The following MPC1 variants were observed in gnomAD, a reference collection of about 807,000 sequenced individuals.
MPC1 encodes the protein mitochondrial pyruvate carrier 1.
A neutral mutation model predicts 13.9 loss-of-function variants in MPC1; 6 were observed. That is an observed-to-expected ratio of 0.43 (90% confidence interval 0.24 to 0.85). The LOEUF (loss-of-function observed/expected upper bound fraction) is 0.85, where lower values mean the gene tolerates loss of function less well. Among genes scored for constraint, MPC1 ranks in the 40% least tolerant of loss-of-function variants. The pLI is 0.24. For missense variants in MPC1, 115 were observed against 143.3 expected, an observed-to-expected ratio of 0.80 and a Z score of 1.01; for synonymous variants, 47 against 50.5, an observed-to-expected ratio of 0.93 and a Z score of 0.29.
chr6:166,380,230 G>A (rs937061449), intron 1 of MPC1, among the ~76,000 whole-genome samples: 3 of 152,200 alleles, frequency 2.0e-5, no homozygotes, highest in African/African-American at 4.8e-5. Context: ...GAGTTTCCAA[G>A]TATTTTCACA....
At chr6:166,381,930 C>G in intron 1 of MPC1, 1 of 535,934 alleles carries the variant, frequency 1.9e-6, no homozygotes, top group South Asian at 8.3e-5. Flanking sequence ...GTCCCAGAAG[C>G]GCGCTGGGCG....
intron 1 of MPC1, 29 bp from the exon 2 acceptor site, chr6:166,370,250 G>C (rs565185010): frequency 1.4e-6 from 1 of 740,030 alleles, no homozygotes; most frequent in South Asian, 1.4e-5. Flanking sequence ...CCGAAGTTCA[G>C]ACAGGACAGA....
intron 1 of MPC1, among the ~76,000 whole-genome samples, chr6:166,373,108 G>A (rs933864010): frequency 2.0e-5 from 3 of 151,940 alleles, no homozygotes; most frequent in African/African-American, 4.8e-5. Flanking sequence ...TACATCCCCC[G>A]CCCATGGTGT....
At position 166,370,263 on chromosome 6, in the gene MPC1, T is replaced by C. The variant is rs777656562; in HGVS notation, c.72-42A>G. The C allele has an allele frequency of 1.4e-5, 10 of 725,660 alleles. No homozygotes were observed. In the Admixed American group the frequency reaches 1.6e-4, roughly 12 times the overall value. The allele number at this position is 725,660 out of a possible 1,614,324, so 45.0% of individuals were successfully genotyped here. A position where few individuals can be genotyped will look rare whatever the true frequency, so the allele number is the denominator to read the frequency against. On this transcript the variant is annotated intron_variant, in intron 1 of 4. Coordinates refer to ENST00000360961, the MANE Select transcript of MPC1 (RefSeq NM_016098.4). ...CACCGAAGTTCAGACAGGACAGACA[T>C]GGAAAAAAAAGAAACAAAAATCAAA...
At position 166,365,636 on chromosome 6, in the gene MPC1, T is replaced by A. The variant is rs1328695973; in HGVS notation, c.306-183A>T. On this transcript the variant is annotated intron_variant, in intron 4 of 4. Coordinates refer to ENST00000360961, the MANE Select transcript of MPC1 (RefSeq NM_016098.4). The surrounding 1 kb of genome is among the most constrained non-coding windows in gnomAD (Gnocchi z 4.2). ...TGCTTAGGCCCAGACATGTTTCAGA[T>A]TTTTTCAGATTTCGGAATAACTGGA... 2.6e-5 allele frequency among the ~76,000 whole-genome samples: 4 copies of A among 152,224 alleles called. No homozygotes were observed. Among genetic ancestry groups the A allele is most frequent in the Non-Finnish European group, 4.4e-5 (3 of 68,044 alleles).
intron 1 of MPC1, among the ~76,000 whole-genome samples, chr6:166,374,710 C>T (rs1186611608): frequency 6.6e-6 from 1 of 152,178 alleles, no homozygotes; most frequent in Non-Finnish European, 1.5e-5. Flanking sequence ...TTTGCCTTTG[C>T]TCCTTTGTCA....
At chr6:166,373,238 G>A (rs914660219) in intron 1 of MPC1, among the ~76,000 whole-genome samples, 4 of 152,060 alleles carry the variant, frequency 2.6e-5, no homozygotes, top group Non-Finnish European at 5.9e-5. Context: ...ACGATGCCAC[G>A]CGTCCATCAT....
chr6:166,382,742 G>A, intron 1 of MPC1, 64 bp downstream of exon 1: 1 of 1,494,142 alleles, frequency 6.7e-7, no homozygotes, highest in Non-Finnish European at 9.0e-7. Context: ...GTCGCGGACT[G>A]CACGGGTCGC....
chr6:166,366,487 GAC>G (rs1562456108), intron 3 of MPC1, among the ~76,000 whole-genome samples: 1 of 152,232 alleles, frequency 6.6e-6, no homozygotes, highest in South Asian at 2.1e-4. Context: ...TCAGTTTAAT[GAC>G]AGTTTCCCCC....
At chr6:166,369,992 G>T (rs753188228) in intron 2 of MPC1, 42 of 688,802 alleles carry the variant, frequency 6.1e-5, no homozygotes, top group Non-Finnish European at 1.0e-4. Context: ...TTATATGCTT[G>T]TTTCTAAAAA....
intron 2 of MPC1, chr6:166,369,863 A>G: frequency 2.5e-6 from 1 of 407,122 alleles, no homozygotes; most frequent in East Asian, 5.5e-5. Flanking sequence ...AGCCATGGAA[A>G]TGAACTCCAC....
chr6:166,376,795 T>C lies in MPC1; in HGVS notation c.71+6011A>G, dbSNP rs191454122. On this transcript the variant is annotated intron_variant, in intron 1 of 4. Coordinates refer to ENST00000360961, the MANE Select transcript of MPC1 (RefSeq NM_016098.4). ...TACCAACGCCTTTTCTTGATTAATG[T>C]TAACATGGTACACCTATCTCTACCT... Among the ~76,000 whole-genome samples, 6 of 152,360 alleles carry C rather than the reference T, an allele frequency of 3.9e-5. No individual in the cohort carries two copies. The East Asian group carries it at 7.7e-4, about 20-fold the overall frequency.
At chr6:166,370,263 T>TG in intron 1 of MPC1, 42 bp from the exon 2 acceptor site, 1 of 725,776 alleles carries the variant, frequency 1.4e-6, no homozygotes, top group South Asian at 1.5e-5. Context: ...AGGACAGACA[T>TG]GGAAAAAAAA....
intron 2 of MPC1, chr6:166,368,722 T>C: frequency 1.0e-5 from 10 of 979,566 alleles, no homozygotes; most frequent in Non-Finnish European, 1.2e-5. Context: ...ATCTCTCCCT[T>C]ACCTACTTAC....
At chr6:166,381,851 C>T (rs1779795358) in intron 1 of MPC1, 1 of 980,702 alleles carries the variant, frequency 1.0e-6, no homozygotes, top group Non-Finnish European at 1.2e-6. Flanking sequence ...GTACTTCCTC[C>T]CAAGCTTAAA....
chr6:166,367,261 A>G (rs1415207287), intron 2 of MPC1: 1 of 829,714 alleles, frequency 1.2e-6, no homozygotes, highest in Non-Finnish European at 1.5e-6. Flanking sequence ...AAACCCTGTT[A>G]GAACTATTCT....
At position 166,365,578 on chromosome 6, in the gene MPC1, CAAT is replaced by C. The variant is rs1458749144; in HGVS notation, c.306-128_306-126del. The C allele has an allele frequency of 7.9e-6, 6 of 755,658 alleles. No homozygotes were observed. The highest frequency in any genetic ancestry group is 2.4e-5 in the South Asian group (1 of 41,466). 46.8% of individuals were successfully genotyped at this position (755,658 alleles called of 1,614,324 possible). On this transcript the variant is annotated intron_variant, in intron 4 of 4. Coordinates refer to ENST00000360961, the MANE Select transcript of MPC1 (RefSeq NM_016098.4). The surrounding 1 kb of genome is among the most constrained non-coding windows in gnomAD (Gnocchi z 4.2). ...TATTTCAACTTACAACTTATAAAAACAATAATATAGGTTGGGTATCCCTCATCT... is the reference window on the plus strand; with the variant it reads ...TATTTCAACTTACAACTTATAAAAACAATATAGGTTGGGTATCCCTCATCT...
chr6:166,368,747 G>A lies in MPC1; in HGVS notation c.75+1471C>T, dbSNP rs187886121. 25 of 984,448 alleles carry A rather than the reference G, an allele frequency of 2.5e-5. No individual in the cohort carries two copies. In the African/African-American group the frequency reaches 3.3e-4, roughly 13 times the overall value. The allele number at this position is 984,448 out of a possible 1,614,324, so 61.0% of individuals were successfully genotyped here. A position where few individuals can be genotyped will look rare whatever the true frequency, so the allele number is the denominator to read the frequency against. ...TACCTACTTACTTCTTTTCTTACCC[G>A]TCCTGTTATTGGGTGTCACTTCATT... On this transcript the variant is annotated intron_variant, in intron 2 of 4. Coordinates refer to ENST00000360961, the MANE Select transcript of MPC1 (RefSeq NM_016098.4).
chr6:166,367,754 A>T (rs766684226), intron 2 of MPC1, among the ~76,000 whole-genome samples: 9 of 152,234 alleles, frequency 5.9e-5, no homozygotes, highest in Non-Finnish European at 1.5e-5. Flanking sequence ...CTTGTTGGCT[A>T]AACACCCCTT....
Sources: gnomAD v4.1 joint callset for allele counts (sites outside exome capture counted in the v4.1 genomes callset) on GRCh38, gnomAD v4.1.1 for gene constraint, Gnocchi (gnomAD v3.1) non-coding constraint, MANE v1.5 for transcripts, NCBI Gene and HGNC (gene_info 2026-07-23, HGNC 2026-07-21) for gene names.